The following PEX11G variants were observed in gnomAD, a reference collection of about 807,000 sequenced individuals.
The protein encoded by PEX11G is peroxisomal biogenesis factor 11 gamma, also known as peroxisomal membrane protein 11C.
Under a neutral mutation model 22.5 loss-of-function variants are expected in PEX11G, and 20 were observed. The ratio of observed to expected loss-of-function variants is 0.89; its 90% CI spans 0.62 to 1.29. The LOEUF is 1.29. Ranked by LOEUF, PEX11G falls within the 50% of genes most tolerant of loss-of-function variation. PEX11G has a pLI of 0.00. For missense variants in PEX11G, 347 were observed against 331.3 expected, an observed-to-expected ratio of 1.05 and a Z score of -0.37; for synonymous variants, 141 against 154.5, an observed-to-expected ratio of 0.91 and a Z score of 0.65.
chr19:7,478,971 C>A (rs1297837312), intron 3 of PEX11G, among the ~76,000 whole-genome samples: 1 of 152,220 alleles, frequency 6.6e-6, no homozygotes, highest in Non-Finnish European at 1.5e-5. Context: ...GCATGGCACC[C>A]ACCCGGGCCA....
intron 3 of PEX11G, among the ~76,000 whole-genome samples, chr19:7,480,676 C>T (rs1310074098): frequency 1.3e-5 from 2 of 151,990 alleles, no homozygotes; most frequent in South Asian, 2.1e-4. Context: ...ACATCTGTGC[C>T]GGGGGGAAAA....
chr19:7,491,735 C>T (rs553253339), upstream of PEX11G, among the ~76,000 whole-genome samples: 15 of 152,276 alleles, frequency 9.9e-5, no homozygotes, highest in East Asian at 2.7e-3. Flanking sequence ...TCACTGCAGC[C>T]TTGAACTCCT....
intron 1 of PEX11G, among the ~76,000 whole-genome samples, chr19:7,487,374 G>T (rs1462546028): frequency 1.3e-5 from 2 of 152,208 alleles, no homozygotes; most frequent in Non-Finnish European, 2.9e-5. Context: ...TAGAGAGAAA[G>T]AACCTACTCA....
intron 1 of PEX11G, among the ~76,000 whole-genome samples, chr19:7,494,939 AG>A (rs2021951395): frequency 6.6e-6 from 1 of 152,110 alleles, no homozygotes; most frequent in Non-Finnish European, 1.5e-5. Flanking sequence ...TTCCTTACCA[AG>A]CACAGCTTTA....
At chr19:7,494,929 T>C (rs1428096482) in intron 1 of PEX11G, among the ~76,000 whole-genome samples, 2 of 152,160 alleles carry the variant, frequency 1.3e-5, no homozygotes, top group South Asian at 2.1e-4. Flanking sequence ...GCAACGGCTG[T>C]TCCTTACCAA....
upstream of PEX11G, among the ~76,000 whole-genome samples, chr19:7,492,631 G>A (rs1284781046): frequency 1.3e-5 from 2 of 152,026 alleles, no homozygotes; most frequent in African/African-American, 4.8e-5. Flanking sequence ...TAGTAGAGAC[G>A]GGGTTTCGCC....
intron 2 of PEX11G, 46 bp from the exon 3 acceptor site, chr19:7,482,257 TGCCCATTTTAGCACCGTA>T: frequency 6.6e-7 from 1 of 1,505,596 alleles, no homozygotes; most frequent in Non-Finnish European, 8.9e-7. Context: ...ACTTACCCAC[TGCCCATTTTAGCACCGTA>T]GCCATGCCAG....
intron 2 of PEX11G, among the ~76,000 whole-genome samples, chr19:7,484,879 G>T (rs898069756): frequency 3.3e-5 from 5 of 152,112 alleles, no homozygotes; most frequent in African/African-American, 1.2e-4. Flanking sequence ...TCCTCCTTTG[G>T]AATGTGTGAA....
intron 1 of PEX11G, among the ~76,000 whole-genome samples, chr19:7,487,409 A>G (rs2021710989): frequency 6.6e-6 from 1 of 152,184 alleles, no homozygotes; most frequent in Non-Finnish European, 1.5e-5. Flanking sequence ...GCCTTCTGAA[A>G]TAGGTCATCT....
upstream of PEX11G, chr19:7,493,123 G>C (rs2021918175): frequency 6.6e-6 from 1 of 152,202 alleles, no homozygotes; most frequent in Non-Finnish European, 1.5e-5. Context: ...CTCCAAGGGA[G>C]CATGGAACAC....
At chr19:7,494,141 G>A (rs987937846) in intron 1 of PEX11G, among the ~76,000 whole-genome samples, 1 of 152,108 alleles carries the variant, frequency 6.6e-6, no homozygotes, top group Non-Finnish European at 1.5e-5. Context: ...TCCTGACCTT[G>A]GGGAATCCTC....
upstream of PEX11G, among the ~76,000 whole-genome samples, chr19:7,492,114 G>A (rs557458315): frequency 1.8e-3 from 272 of 152,282 alleles, 1 homozygote; most frequent in African/African-American, 6.1e-3. Flanking sequence ...TTTAGCGATC[G>A]TGAATAAGTA....
chr19:7,487,891 G>T (rs1335101856), intron 1 of PEX11G, among the ~76,000 whole-genome samples: 1 of 152,128 alleles, frequency 6.6e-6, no homozygotes, highest in Non-Finnish European at 1.5e-5. Flanking sequence ...TAAGATATTT[G>T]AATGGAATCT....
chr19:7,482,674 T>C (rs887516456), intron 2 of PEX11G, among the ~76,000 whole-genome samples: 2 of 152,222 alleles, frequency 1.3e-5, no homozygotes, highest in Non-Finnish European at 2.9e-5. Flanking sequence ...CCAGACTCTA[T>C]GCAGGGAGCA....
chr19:7,478,234 G>A, intron 4 of PEX11G, 80 bp downstream of exon 4: 1 of 1,473,558 alleles, frequency 6.8e-7, no homozygotes, highest in Non-Finnish European at 9.3e-7. Flanking sequence ...GCATGGGCCT[G>A]CACAGGGGTG....
intron 3 of PEX11G, among the ~76,000 whole-genome samples, chr19:7,481,010 A>C (rs536520859): frequency 6.6e-6 from 1 of 152,298 alleles, no homozygotes; most frequent in South Asian, 2.1e-4. Flanking sequence ...GTCGGCTGAC[A>C]GCAACGCCAG....
At chr19:7,483,783 G>C (rs952049717) in intron 2 of PEX11G, among the ~76,000 whole-genome samples, 4 of 152,152 alleles carry the variant, frequency 2.6e-5, no homozygotes, top group Admixed American at 6.5e-5. Flanking sequence ...TGGGAGGACA[G>C]AGAGAACAGA....
chr19:7,492,153 T>C (rs866729272), upstream of PEX11G, among the ~76,000 whole-genome samples: 1 of 152,204 alleles, frequency 6.6e-6, no homozygotes, highest in East Asian at 1.9e-4. Context: ...AATATGTAGT[T>C]GGAGTCCCTG....
chr19:7,483,059 A>C (rs1977574072), intron 2 of PEX11G, among the ~76,000 whole-genome samples: 1 of 150,120 alleles, frequency 6.7e-6, no homozygotes, highest in African/African-American at 2.5e-5. Context: ...CAACCGGGGG[A>C]CCCGCCCCCT....
Sources: allele counts gnomAD v4.1 joint callset (sites outside exome capture counted in the v4.1 genomes callset), GRCh38; gene constraint gnomAD v4.1.1; transcripts MANE v1.5; gene names NCBI Gene and HGNC (gene_info 2026-07-23, HGNC 2026-07-21).